Variants in SLC39A11 observed in about 807,000 individuals in gnomAD.
SLC39A11 encodes the protein solute carrier family 39 member 11.
A neutral mutation model predicts 36.1 loss-of-function variants in SLC39A11; 33 were observed. The observed-to-expected ratio is 0.91, with a 90% CI of 0.69 to 1.22. The LOEUF is 1.22. SLC39A11 is among the 50% of genes most tolerant of loss of function. The pLI, the probability that SLC39A11 is intolerant of heterozygous loss-of-function variation, is 0.00. For synonymous variants in SLC39A11, 166 were observed against 170.3 expected, an observed-to-expected ratio of 0.97 and a Z score of 0.20; for missense variants, 432 against 430.3, an observed-to-expected ratio of 1.00 and a Z score of -0.03.
intron 4 of SLC39A11, among the ~76,000 whole-genome samples, chr17:73,024,704 CA>C (rs906179720): frequency 6.6e-6 from 1 of 151,148 alleles, no homozygotes; most frequent in African/African-American, 2.4e-5. Flanking sequence ...AAGTTGTGTA[CA>C]TTTTTTTTTT....
intron 9 of SLC39A11, among the ~76,000 whole-genome samples, chr17:72,647,884 G>C (rs942180205): frequency 6.6e-6 from 1 of 152,142 alleles, no homozygotes; most frequent in Non-Finnish European, 1.5e-5. Flanking sequence ...TCATTTTACT[G>C]GTGGGGAAAC....
At chr17:72,885,500 A>C (rs992124716) in intron 5 of SLC39A11, among the ~76,000 whole-genome samples, 9 of 152,128 alleles carry the variant, frequency 5.9e-5, no homozygotes, top group African/African-American at 2.2e-4. Flanking sequence ...TAGATAAGCC[A>C]TCTGCCTCAC....
chr17:72,721,330 CA>C (rs2073669407), intron 7 of SLC39A11, among the ~76,000 whole-genome samples: 2 of 152,122 alleles, frequency 1.3e-5, no homozygotes, highest in Admixed American at 6.6e-5. Flanking sequence ...CTCCTGACCT[CA>C]GGTGATCTGC....
intron 3 of SLC39A11, among the ~76,000 whole-genome samples, chr17:73,078,069 T>C (rs2144665474): frequency 6.6e-6 from 1 of 152,096 alleles, no homozygotes; most frequent in Non-Finnish European, 1.5e-5. Context: ...AAACCCCGTC[T>C]CTACTAAAAA....
At chr17:72,850,121 T>C (rs1479282232) in intron 5 of SLC39A11, among the ~76,000 whole-genome samples, 1 of 152,138 alleles carries the variant, frequency 6.6e-6, no homozygotes, top group Non-Finnish European at 1.5e-5. Context: ...GTGTGTTCTC[T>C]CATTCACTCA....
intron 4 of SLC39A11, among the ~76,000 whole-genome samples, chr17:72,999,882 A>G (rs142823743): frequency 6.6e-6 from 1 of 152,270 alleles, no homozygotes; most frequent in African/African-American, 2.4e-5. Flanking sequence ...CTGGGATTAC[A>G]GGCACGCGCC....
At chr17:72,655,613 G>C (rs1478986414) in intron 7 of SLC39A11, among the ~76,000 whole-genome samples, 3 of 152,184 alleles carry the variant, frequency 2.0e-5, no homozygotes, top group Non-Finnish European at 4.4e-5. Context: ...CCCCTTCCCT[G>C]CTATTCGAAT....
chr17:72,893,791 A>G (rs1022805011), intron 5 of SLC39A11, among the ~76,000 whole-genome samples: 1 of 152,182 alleles, frequency 6.6e-6, no homozygotes, highest in Non-Finnish European at 1.5e-5. Flanking sequence ...AGAGGGCTAA[A>G]GACACCAAGG....
chr17:72,900,112 AG>A lies in SLC39A11; in HGVS notation c.430+47639del, dbSNP rs1422886939. On this transcript the variant is annotated intron_variant, in intron 5 of 9. Transcript: ENST00000255559. The stretch of plus-strand genomic sequence containing the variant: ...AGAAAGAGAAAAGAAAGAAAGAAAA[AG>A]AAAGAAAGAAAAGAAAGAAAGAAAG... 8.6e-4 allele frequency among the ~76,000 whole-genome samples: 103 copies of A among 119,510 alleles called. 16 individuals are homozygous for A. Among genetic ancestry groups the A allele is most frequent in the African/African-American group, 4.3e-3 (100 of 23,026 alleles). The allele number at this position is 119,510 out of a possible 152,430, so 78.4% of individuals were successfully genotyped here.
At chr17:72,947,087 G>A (rs570411273) in intron 5 of SLC39A11, among the ~76,000 whole-genome samples, 11 of 152,312 alleles carry the variant, frequency 7.2e-5, no homozygotes, top group African/African-American at 2.4e-4. Context: ...TTGGGAAGCC[G>A]AGACAGGCAG....
chr17:72,672,308 G>A (rs1488302275), intron 7 of SLC39A11, among the ~76,000 whole-genome samples: 3 of 152,116 alleles, frequency 2.0e-5, no homozygotes, highest in African/African-American at 7.2e-5. Context: ...AATTGGCCAG[G>A]CTTGGTGGCG....
chr17:72,836,455 C>A (rs2078550920), intron 6 of SLC39A11, among the ~76,000 whole-genome samples: 1 of 152,014 alleles, frequency 6.6e-6, no homozygotes, highest in African/African-American at 2.4e-5. Context: ...ATTCTCCTGC[C>A]TCAGCCTCCC....
intron 6 of SLC39A11, among the ~76,000 whole-genome samples, chr17:72,838,337 TC>T (rs2078661057): frequency 6.6e-6 from 1 of 151,056 alleles, no homozygotes; most frequent in Non-Finnish European, 1.5e-5. Context: ...CAAGCAATCC[TC>T]CCACCCTAGC....
chr17:72,726,903 T>TAATCA, intron 7 of SLC39A11, among the ~76,000 whole-genome samples: 2 of 152,192 alleles, frequency 1.3e-5, no homozygotes, highest in Non-Finnish European at 2.9e-5. Context: ...ATGCCTCCTT[T>TAATCA]ACCAAGTGTC....
chr17:72,869,938 T>G (rs2080518867), intron 5 of SLC39A11, among the ~76,000 whole-genome samples: 1 of 152,152 alleles, frequency 6.6e-6, no homozygotes, highest in Non-Finnish European at 1.5e-5. Flanking sequence ...AAAAAAATAT[T>G]ATAATACCAG....
chr17:72,776,660 T>C (rs1359229847), intron 6 of SLC39A11, among the ~76,000 whole-genome samples: 1 of 148,954 alleles, frequency 6.7e-6, no homozygotes, highest in East Asian at 2.0e-4. Flanking sequence ...ATCCAGCTGC[T>C]AGACAGAGGA....
At chr17:73,058,962 A>T (rs2059755325) in intron 3 of SLC39A11, among the ~76,000 whole-genome samples, 1 of 152,210 alleles carries the variant, frequency 6.6e-6, no homozygotes, top group Admixed American at 6.5e-5. Flanking sequence ...AACTGTTAAA[A>T]AAAAAAGAAT....
At position 72,714,990 on chromosome 17, in the gene SLC39A11, T is replaced by C. The variant is rs542382364; in HGVS notation, c.671+21660A>G. On this transcript the variant is annotated intron_variant, in intron 7 of 9. Transcript: ENST00000255559. ...CACTTCACCTCGCATCTTGCATCCA[T>C]GTAGCCCCTTCACGCTCACAATTTT... Among the ~76,000 whole-genome samples the C allele has an allele frequency of 2.6e-5, 4 of 152,348 alleles. No homozygotes were observed. In the South Asian group the frequency reaches 8.3e-4, roughly 32 times the overall value.
intron 7 of SLC39A11, among the ~76,000 whole-genome samples, chr17:72,676,070 TCACACA>T (rs3222866): frequency 7.2e-4 from 94 of 129,996 alleles, no homozygotes; most frequent in Non-Finnish European, 9.1e-4. Flanking sequence ...TCACAATGTT[TCACACA>T]CACACACACA....
Sources: gnomAD v4.1 joint callset for allele counts (sites outside exome capture counted in the v4.1 genomes callset) on GRCh38, gnomAD v4.1.1 for gene constraint, MANE v1.5 for transcripts, NCBI Gene and HGNC (gene_info 2026-07-23, HGNC 2026-07-21) for gene names.